Variants in LRRC37A2 observed in about 807,000 individuals in gnomAD.
LRRC37A2 encodes the protein leucine rich repeat containing 37 member A2.
Under a neutral mutation model 68.8 loss-of-function variants are expected in LRRC37A2, and 9 were observed. The observed-to-expected ratio is 0.13, with a 90% CI of 0.08 to 0.23. The LOEUF (loss-of-function observed/expected upper bound fraction) is 0.23. LRRC37A2 is among the 10% of genes least tolerant of loss of function. The pLI is 1.00. For synonymous variants in LRRC37A2, 63 were observed against 367.6 expected (o/e 0.17, Z 9.48); for missense variants, 168 against 950.4 (o/e 0.18, Z 10.82).
chr17:46,791,227 TTTC>T, the LRRC37A2 span, among the ~76,000 whole-genome samples: 7 of 152,034 alleles, frequency 4.6e-5, no homozygotes, highest in Non-Finnish European at 8.8e-5. Context: ...CTTTTTTTTT[TTTC>T]TGAGACAGAG....
chr17:46,937,428 T>G, the LRRC37A2 span: 1 of 152,362 alleles, frequency 6.6e-6, no homozygotes, highest in Admixed American at 6.5e-5. Flanking sequence ...ATTCTAATTT[T>G]AAGTATTTTT....
At chr17:46,766,868 A>C in the LRRC37A2 span, among the ~76,000 whole-genome samples, 132 of 152,264 alleles carry the variant, frequency 8.7e-4, no homozygotes, top group African/African-American at 3.0e-3. Flanking sequence ...CCAGCAGGGA[A>C]GTGCTTCCCA....
chr17:46,744,725 C>T, the LRRC37A2 span, among the ~76,000 whole-genome samples: 1 of 152,086 alleles, frequency 6.6e-6, no homozygotes, highest in East Asian at 1.9e-4. Context: ...CTGGTTGGTC[C>T]TTTGTGTGGC....
At chr17:46,993,704 A>T in the LRRC37A2 span, among the ~76,000 whole-genome samples, 2 of 152,208 alleles carry the variant, frequency 1.3e-5, no homozygotes, top group Admixed American at 1.3e-4. Context: ...AATGGGTTCC[A>T]TCTGCGTAGA....
chr17:46,848,043 G>C, the LRRC37A2 span, among the ~76,000 whole-genome samples: 1 of 151,994 alleles, frequency 6.6e-6, no homozygotes, highest in Non-Finnish European at 1.5e-5. Context: ...AGCCCTGAGC[G>C]CTGGCTGCCT....
At chr17:46,995,286 C>A in the LRRC37A2 span, among the ~76,000 whole-genome samples, 12,496 of 152,234 alleles carry the variant, frequency 0.082, 594 homozygotes, top group Middle Eastern at 0.11. Context: ...ATGGCTACAG[C>A]CGAGCCCCCT....
At chr17:46,821,814 G>A in the LRRC37A2 span, among the ~76,000 whole-genome samples, 2 of 152,172 alleles carry the variant, frequency 1.3e-5, no homozygotes, top group East Asian at 1.9e-4. Context: ...ACTCCCCCGG[G>A]GCTCAGAGTC....
chr17:46,979,024 G>T, the LRRC37A2 span: 5 of 1,389,422 alleles, frequency 3.6e-6, no homozygotes, highest in African/African-American at 6.1e-5. Flanking sequence ...GCGGCGCCGG[G>T]GGTCTCGGCG....
At chr17:46,779,103 A>ACACACACCCCCCCC in the LRRC37A2 span, among the ~76,000 whole-genome samples, 1 of 133,664 alleles carries the variant, frequency 7.5e-6, no homozygotes. Flanking sequence ...ACACACACAC[A>ACACACACCCCCCCC]CCCCAGCCCA....
At chr17:46,947,873 A>G in the LRRC37A2 span, among the ~76,000 whole-genome samples, 1 of 151,752 alleles carries the variant, frequency 6.6e-6, no homozygotes, top group African/African-American at 2.4e-5. Context: ...GGTTCAAGCG[A>G]CTCTCCTGCC....
the LRRC37A2 span, among the ~76,000 whole-genome samples, chr17:46,502,787 G>A: frequency 6.6e-6 from 1 of 151,312 alleles, no homozygotes; most frequent in African/African-American, 2.5e-5. Flanking sequence ...CTGTGGCAAT[G>A]TTATCCAAGG....
the LRRC37A2 span, among the ~76,000 whole-genome samples, chr17:46,760,682 G>A: frequency 2.0e-5 from 3 of 150,960 alleles, no homozygotes; most frequent in East Asian, 1.9e-4. Flanking sequence ...CTAGAATTCT[G>A]GGATAGATAA....
chr17:47,001,652 C>A, the LRRC37A2 span, among the ~76,000 whole-genome samples: 1 of 151,916 alleles, frequency 6.6e-6, no homozygotes, highest in South Asian at 2.1e-4. Flanking sequence ...CTGCTTCCTG[C>A]CCTTTCTACT....
the LRRC37A2 span, among the ~76,000 whole-genome samples, chr17:46,642,599 AGAC>A: frequency 1.0e-5 from 1 of 100,382 alleles, no homozygotes; most frequent in African/African-American, 4.9e-5. Flanking sequence ...AAAGCAAAGA[AGAC>A]ATCAAACTTG....
the LRRC37A2 span, among the ~76,000 whole-genome samples, chr17:47,043,579 A>G: frequency 2.0e-5 from 3 of 151,580 alleles, no homozygotes; most frequent in South Asian, 6.2e-4. Flanking sequence ...GATTACATGC[A>G]ATGTAAGAAA....
At chr17:46,798,010 C>T in the LRRC37A2 span, among the ~76,000 whole-genome samples, 16 of 152,296 alleles carry the variant, frequency 1.1e-4, no homozygotes, top group East Asian at 5.8e-4. Context: ...CTCTCTGCAA[C>T]GTCTGCCTCC....
the LRRC37A2 span, chr17:46,768,368 G>A: frequency 1.1e-5 from 17 of 1,613,850 alleles, no homozygotes; most frequent in Non-Finnish European, 1.4e-5. The surrounding 1 kb of genome is among the most constrained non-coding windows in gnomAD (Gnocchi z 5.0). Context: ...CCTGGCAGCT[G>A]ACGTAGCAGC....
At chr17:46,622,439 C>T in the LRRC37A2 span, among the ~76,000 whole-genome samples, 1 of 149,954 alleles carries the variant, frequency 6.7e-6, no homozygotes, top group African/African-American at 2.5e-5. Flanking sequence ...GCCTGGGTGA[C>T]AGAGTGAGAC....
At chr17:46,684,411 A>G in the LRRC37A2 span, among the ~76,000 whole-genome samples, 20 of 151,776 alleles carry the variant, frequency 1.3e-4, no homozygotes, top group Non-Finnish European at 2.1e-4. Context: ...TATTGTGAAC[A>G]GTGCCTCAAT....
Sources: allele counts gnomAD v4.1 joint callset (sites outside exome capture counted in the v4.1 genomes callset), GRCh38; gene constraint gnomAD v4.1.1; non-coding constraint Gnocchi (gnomAD v3.1); transcripts MANE v1.5; gene names NCBI Gene and HGNC (gene_info 2026-07-23, HGNC 2026-07-21).